Variants in ANKRD30B observed in about 807,000 individuals in gnomAD.
The protein encoded by ANKRD30B is ankyrin repeat domain-containing protein 30B.
In ANKRD30B, 144 loss-of-function variants were observed where a neutral mutation model predicts 202.2. The observed-to-expected ratio is 0.71, with a 90% confidence interval of 0.62 to 0.82. ANKRD30B has a LOEUF of 0.82. ANKRD30B is among the 40% of genes least tolerant of loss of function. ANKRD30B has a pLI of 0.00. For synonymous variants in ANKRD30B, 508 were observed against 561.3 expected, an observed-to-expected ratio of 0.91 and a Z score of 1.34; for missense variants, 1,487 against 1,669.1, an observed-to-expected ratio of 0.89 and a Z score of 1.90.
intron 11 of ANKRD30B, among the ~76,000 whole-genome samples, chr18:14,781,873 T>C (rs1215758862): frequency 6.6e-6 from 1 of 152,212 alleles, no homozygotes; most frequent in Admixed American, 6.5e-5. Flanking sequence ...TAGAGGTTAA[T>C]TGACATTGTG....
chr18:14,788,547 C>T (rs1968241518), intron 15 of ANKRD30B, among the ~76,000 whole-genome samples: 1 of 151,984 alleles, frequency 6.6e-6, no homozygotes, highest in Non-Finnish European at 1.5e-5. Context: ...CTCCCCGCTC[C>T]CCCCACCCCA....
At chr18:14,919,374 C>T in the ANKRD30B span, among the ~76,000 whole-genome samples, 1 of 152,192 alleles carries the variant, frequency 6.6e-6, no homozygotes, top group Admixed American at 6.5e-5. Context: ...CTCTCCCAAA[C>T]CAAGAACCAG....
chr18:14,765,198 C>T (rs1166017205), intron 7 of ANKRD30B, among the ~76,000 whole-genome samples: 1 of 152,192 alleles, frequency 6.6e-6, no homozygotes. Context: ...TGGTGGCTCA[C>T]GCCTATAATC....
At position 14,851,692 on chromosome 18, in the gene ANKRD30B, A is replaced by G; in HGVS notation, c.3748A>G (p.Lys1250Glu). The G allele has an allele frequency of 1.2e-6, 2 of 1,610,802 alleles. No homozygotes were observed. The highest frequency in any genetic ancestry group is 1.7e-6 in the Non-Finnish European group (2 of 1,178,716). Residue 1250 changes from lysine (K) to glutamate (E), a missense_variant, in exon 42 of 44, where the codon AAA (lysine) becomes GAA (glutamate). Coordinates refer to ENST00000690538, the MANE Select transcript of ANKRD30B (RefSeq NM_001367607.2). The part of the protein sequence containing the change: ...EKNAELQMTL[K>E]LKQKTVTKRA... ...GAATGCTGAACTTCAAATGACCCTAAAACTGAAACAGAAAACAGTAACAAA... is the reference window on the plus strand; with the variant it reads ...GAATGCTGAACTTCAAATGACCCTAGAACTGAAACAGAAAACAGTAACAAA...
At chr18:14,939,069 A>C in the ANKRD30B span, among the ~76,000 whole-genome samples, 1 of 152,220 alleles carries the variant, frequency 6.6e-6, no homozygotes, top group Non-Finnish European at 1.5e-5. Flanking sequence ...TTTTGAATCC[A>C]TCTTACTCAT....
the ANKRD30B span, among the ~76,000 whole-genome samples, chr18:14,922,594 G>A: frequency 6.7e-6 from 1 of 149,730 alleles, no homozygotes; most frequent in Non-Finnish European, 1.5e-5. Context: ...GGCAGAGCTT[G>A]CAGTGAGCCA....
chr18:14,907,118 TATC>T, the ANKRD30B span, among the ~76,000 whole-genome samples: 1 of 152,128 alleles, frequency 6.6e-6, no homozygotes, highest in Admixed American at 6.5e-5. Flanking sequence ...AAGTGTTTCT[TATC>T]AGACTTATGG....
chr18:14,853,442 T>G (rs1971968227), intron 42 of ANKRD30B, among the ~76,000 whole-genome samples: 3 of 152,058 alleles, frequency 2.0e-5, no homozygotes, highest in Non-Finnish European at 4.4e-5. Flanking sequence ...AGCAGGTGAT[T>G]GAATATGTGA....
rs144259194 is a variant in ANKRD30B, at chr18:14,761,282, C to T, written c.820+664C>T. 4.7e-3 allele frequency among the ~76,000 whole-genome samples: 709 copies of T among 152,242 alleles called. 8 individuals are homozygous for T. Among genetic ancestry groups the T allele is most frequent in the African/African-American group, 0.015 (636 of 41,530 alleles). On this transcript the variant is annotated intron_variant, in intron 6 of 43. Coordinates refer to ENST00000690538, the MANE Select transcript of ANKRD30B (RefSeq NM_001367607.2). ...TTCAGTGAAAGAGCAGCAAGGGTTCCGAGCCCATTACAGACACCAAGGAAG... is the reference window on the plus strand; with the variant it reads ...TTCAGTGAAAGAGCAGCAAGGGTTCTGAGCCCATTACAGACACCAAGGAAG...
chr18:14,799,324 G>A (rs781384924), intron 22 of ANKRD30B, 29 bp downstream of exon 22: 1 of 1,483,578 alleles, frequency 6.7e-7, no homozygotes, highest in African/African-American at 1.4e-5. Flanking sequence ...ATTTTACTCT[G>A]GAATTAAGAA....
At chr18:14,831,560 G>C (rs1970940468) in intron 34 of ANKRD30B, 105 bp downstream of exon 34, 1 of 539,930 alleles carries the variant, frequency 1.9e-6, no homozygotes, top group African/African-American at 2.0e-5. Flanking sequence ...ATTTCATGTT[G>C]GTAATATAAA....
the ANKRD30B span, among the ~76,000 whole-genome samples, chr18:14,921,471 G>A: frequency 2.0e-5 from 3 of 152,172 alleles, no homozygotes; most frequent in Non-Finnish European, 4.4e-5. Flanking sequence ...CACAACCCAA[G>A]GTGTCACGAG....
chr18:14,871,016 TACCCACACACCCTCACCCACACCCC>T, the ANKRD30B span, among the ~76,000 whole-genome samples: 2 of 8,022 alleles, frequency 2.5e-4, no homozygotes, highest in South Asian at 4.8e-3. Context: ...CACACACCCC[TACCCACACACCCTCACCCACACCCC>T]CACCCACACA....
the ANKRD30B span, among the ~76,000 whole-genome samples, chr18:14,933,442 G>A: frequency 6.6e-6 from 1 of 152,132 alleles, no homozygotes; most frequent in Admixed American, 6.5e-5. Flanking sequence ...AGCTGGGCCT[G>A]CAGAGAGCAA....
the ANKRD30B span, among the ~76,000 whole-genome samples, chr18:14,875,489 G>A: frequency 5.9e-5 from 9 of 152,142 alleles, no homozygotes; most frequent in Non-Finnish European, 1.2e-4. Context: ...AGCGCTTACT[G>A]TGTGGCTGGC....
the ANKRD30B span, among the ~76,000 whole-genome samples, chr18:14,896,690 AAGG>A: frequency 6.9e-6 from 1 of 144,034 alleles, no homozygotes; most frequent in Admixed American, 7.0e-5. Context: ...TATGGACAGT[AAGG>A]AGGAGTAAGG....
intron 4 of ANKRD30B, 48 bp from the exon 5 acceptor site, chr18:14,757,767 A>G (rs45550134): frequency 0.052 from 83,046 of 1,586,510 alleles, 2,434 homozygotes; most frequent in Non-Finnish European, 0.062. Context: ...TGATAGGCAC[A>G]TATTAAATTG....
intron 24 of ANKRD30B, among the ~76,000 whole-genome samples, chr18:14,808,220 A>G (rs1399765922): frequency 2.0e-5 from 3 of 150,688 alleles, no homozygotes; most frequent in Non-Finnish European, 4.4e-5. Flanking sequence ...TGACTTGGTC[A>G]TCTTAATAAA....
At chr18:14,835,199 C>G (rs1326082817) in intron 34 of ANKRD30B, among the ~76,000 whole-genome samples, 1 of 151,770 alleles carries the variant, frequency 6.6e-6, no homozygotes, top group Non-Finnish European at 1.5e-5. Flanking sequence ...AGCTACAACA[C>G]TGTCAAAGAA....
Sources: gnomAD v4.1 joint callset for allele counts (sites outside exome capture counted in the v4.1 genomes callset) on GRCh38, gnomAD v4.1.1 for gene constraint, MANE v1.5 for transcripts, NCBI Gene and HGNC (gene_info 2026-07-23, HGNC 2026-07-21) for gene names.